Variants in ARIH1 observed in about 807,000 individuals in gnomAD.
ARIH1 encodes the protein E3 ubiquitin-protein ligase ARIH1.
Under a neutral mutation model 85.0 loss-of-function variants are expected in ARIH1, and 8 were observed. The observed-to-expected ratio is 0.09, with a 90% CI of 0.06 to 0.17. The LOEUF (loss-of-function observed/expected upper bound fraction) is 0.17. ARIH1 is among the 10% of genes least tolerant of loss of function. The pLI is 1.00. For synonymous variants in ARIH1, 238 were observed against 253.6 expected (o/e 0.94, Z 0.59); for missense variants, 311 against 718.1 (o/e 0.43, Z 6.48).
At position 72,583,391 on chromosome 15, in the gene ARIH1, T is replaced by C. The variant is rs1567362414; in HGVS notation, c.*99T>C. On this transcript the variant is annotated 3_prime_UTR_variant, in exon 14 of 14. Coordinates refer to ENST00000379887, the MANE Select transcript of ARIH1 (RefSeq NM_005744.5). ...ACAAACAAGGAGGCACTAAGCCTAT[T>C]CTGACACCACTGGTCTGTAGTACCA... The C allele has an allele frequency of 3.4e-6, 3 of 879,800 alleles. No homozygotes were observed. In the South Asian group the frequency reaches 4.7e-5, roughly 14 times the overall value. 54.5% of individuals were successfully genotyped at this position (879,800 alleles called of 1,614,324 possible).
chr15:72,508,216 A>G (rs543373386), intron 1 of ARIH1, among the ~76,000 whole-genome samples: 10 of 152,312 alleles, frequency 6.6e-5, no homozygotes, highest in East Asian at 3.9e-4. Context: ...AGGTTGTTCT[A>G]TTGTCCTAAA....
intron 1 of ARIH1, among the ~76,000 whole-genome samples, chr15:72,508,485 C>A (rs548732911): frequency 1.3e-5 from 2 of 152,242 alleles, no homozygotes; most frequent in East Asian, 3.9e-4. Flanking sequence ...TATTCAAATC[C>A]TACTAGCCTA....
At chr15:72,490,788 C>A (rs1165541861) in intron 1 of ARIH1, among the ~76,000 whole-genome samples, 1 of 152,004 alleles carries the variant, frequency 6.6e-6, no homozygotes, top group Non-Finnish European at 1.5e-5. Flanking sequence ...CCTACTTAGC[C>A]AAACATGTTT....
intron 1 of ARIH1, among the ~76,000 whole-genome samples, chr15:72,478,329 C>T (rs1486872406): frequency 6.6e-6 from 1 of 151,984 alleles, no homozygotes; most frequent in Non-Finnish European, 1.5e-5. Context: ...GTTGGCCAGG[C>T]TGGTCTTGAA....
rs2064355117 is a variant in ARIH1 at position 72,594,468 on chromosome 15, AATTTTCATTTT to A, written c.*11177_*11187del. ...CAGGCGTGAGCCACCGCGCCTGGCT[AATTTTCATTTT>A]TAAGTTGTTTGCTGCTAGTATCTAG... is the stretch of plus-strand genomic sequence containing the variant. On this transcript the variant is annotated 3_prime_UTR_variant, in exon 14 of 14. Transcript: ENST00000379887. The A allele has an allele frequency of 6.6e-6, 1 of 152,036 alleles. No homozygotes were observed. The highest frequency in any genetic ancestry group is 1.5e-5 in the Non-Finnish European group (1 of 67,988). The allele number at this position is 152,036 out of a possible 1,614,324, so 9.4% of individuals were successfully genotyped here. A position where few individuals can be genotyped will look rare whatever the true frequency, so the allele number is the denominator to read the frequency against.
At chr15:72,539,626 A>G (rs1341976604) in intron 2 of ARIH1, among the ~76,000 whole-genome samples, 1 of 152,160 alleles carries the variant, frequency 6.6e-6, no homozygotes. Flanking sequence ...TGCAAACCAA[A>G]CATATTCTTA....
In ARIH1 at chr15:72,519,842, G is replaced by A. The variant is rs181862251; in HGVS notation, c.443+1708G>A. ...TAATTTTGGTAACATTTACTTTCAG[G>A]TTTTTTTATTTGATGACACCTCTAC... is the stretch of plus-strand genomic sequence containing the variant. On this transcript the variant is annotated intron_variant, in intron 2 of 13. Transcript: ENST00000379887. 2.6e-5 allele frequency among the ~76,000 whole-genome samples: 4 copies of A among 151,960 alleles called. No homozygotes were observed. In the East Asian group the frequency reaches 7.7e-4, roughly 29 times the overall value.
At chr15:72,522,544 A>G (rs1373698075) in intron 2 of ARIH1, among the ~76,000 whole-genome samples, 4 of 152,168 alleles carry the variant, frequency 2.6e-5, no homozygotes, top group Non-Finnish European at 5.9e-5. Flanking sequence ...TAAAAACAAG[A>G]GAATGAGGTA....
rs80256839 is a variant in ARIH1 at position 72,492,610 on chromosome 15, G to A, written c.375+17596G>A. 7.7e-4 allele frequency among the ~76,000 whole-genome samples: 118 copies of A among 152,296 alleles called. 1 individual carries two copies. Among genetic ancestry groups the A allele is most frequent in the African/African-American group, 2.8e-3 (115 of 41,564 alleles). ...GTTCCTTTGAAATTTGGAAACGTAT[G>A]TACATAATTTTAGTCACTGATTTGT... On this transcript the variant is annotated intron_variant, in intron 1 of 13. Coordinates refer to ENST00000379887, the MANE Select transcript of ARIH1 (RefSeq NM_005744.5).
intron 2 of ARIH1, among the ~76,000 whole-genome samples, chr15:72,530,271 T>C (rs1022732625): frequency 2.0e-5 from 3 of 152,180 alleles, no homozygotes; most frequent in African/African-American, 7.2e-5. Flanking sequence ...GGTTGAGAGT[T>C]TGGGAATCAA....
At chr15:72,506,674 AT>A (rs2140404518) in intron 1 of ARIH1, among the ~76,000 whole-genome samples, 1 of 152,220 alleles carries the variant, frequency 6.6e-6, no homozygotes, top group African/African-American at 2.4e-5. Flanking sequence ...GAGCTTGTAG[AT>A]TTTATGCAAA....
At chr15:72,560,760 A>C (rs2064194087) in intron 5 of ARIH1, among the ~76,000 whole-genome samples, 1 of 152,192 alleles carries the variant, frequency 6.6e-6, no homozygotes, top group Non-Finnish European at 1.5e-5. Flanking sequence ...ATGAGGCCAG[A>C]TTGGTTCATT....
At chr15:72,568,281 C>CT (rs1567358375) in intron 9 of ARIH1, among the ~76,000 whole-genome samples, 1 of 152,040 alleles carries the variant, frequency 6.6e-6, no homozygotes. Flanking sequence ...GCCAAGCATT[C>CT]TTTTTTTGAA....
At chr15:72,523,750 G>T (rs768066677) in intron 2 of ARIH1, among the ~76,000 whole-genome samples, 2 of 151,834 alleles carry the variant, frequency 1.3e-5, no homozygotes, top group Non-Finnish European at 2.9e-5. Flanking sequence ...AGGGTTATAT[G>T]GGAGCTGTAG....
intron 2 of ARIH1, among the ~76,000 whole-genome samples, chr15:72,525,589 A>G (rs1328625824): frequency 6.6e-6 from 1 of 152,224 alleles, no homozygotes; most frequent in South Asian, 2.1e-4. Flanking sequence ...AAGATAAATT[A>G]TATGTAAAGT....
chr15:72,543,145 G>A (rs1188714922), intron 2 of ARIH1, among the ~76,000 whole-genome samples: 1 of 151,858 alleles, frequency 6.6e-6, no homozygotes, highest in Non-Finnish European at 1.5e-5. Flanking sequence ...ATGTTGGCCA[G>A]GCTGGTTTTG....
chr15:72,594,811 C>CTTTTTTTTTTT lies in ARIH1; in HGVS notation c.*11536_*11546dup, dbSNP rs71137306. 3.3e-3 allele frequency: 265 copies of CTTTTTTTTTTT among 79,628 alleles called. 29 individuals are homozygous for CTTTTTTTTTTT. The highest frequency in any genetic ancestry group is 0.014 in the African/African-American group (227 of 16,428). 4.9% of individuals were successfully genotyped at this position (79,628 alleles called of 1,614,324 possible). On this transcript the variant is annotated 3_prime_UTR_variant, in exon 14 of 14. Coordinates refer to ENST00000379887, the MANE Select transcript of ARIH1 (RefSeq NM_005744.5). ...TTTTTCTGATTTTATGCCTTTTCTT[C>CTTTTTTTTTTT]TTTTTTTTTTTTTTTTTTTTTTTTT...
At chr15:72,521,358 C>G (rs915857051) in intron 2 of ARIH1, among the ~76,000 whole-genome samples, 20 of 151,932 alleles carry the variant, frequency 1.3e-4, no homozygotes, top group African/African-American at 4.6e-4. Context: ...CTGAAACTTA[C>G]TGTAATATTT....
chr15:72,523,355 A>G (rs1400608831), intron 2 of ARIH1, among the ~76,000 whole-genome samples: 1 of 152,214 alleles, frequency 6.6e-6, no homozygotes, highest in Non-Finnish European at 1.5e-5. Flanking sequence ...GAGGGACTTT[A>G]AATGCATATT....
Sources: allele counts gnomAD v4.1 joint callset (sites outside exome capture counted in the v4.1 genomes callset), GRCh38; gene constraint gnomAD v4.1.1; transcripts MANE v1.5; gene names NCBI Gene and HGNC (gene_info 2026-07-23, HGNC 2026-07-21).